CNTN4: variants seen among roughly 807,000 people sequenced by gnomAD.
CNTN4 encodes the protein contactin 4.
Under a neutral mutation model 122.5 loss-of-function variants are expected in CNTN4, and 77 were observed. The observed-to-expected ratio is 0.63, with a 90% CI of 0.52 to 0.76. The LOEUF (loss-of-function observed/expected upper bound fraction) is 0.76, where lower values mean the gene tolerates loss of function less well. Ranked by LOEUF, CNTN4 falls within the 30% of genes least tolerant of loss-of-function variation. CNTN4 has a pLI of 0.00. For missense variants in CNTN4, 1,256 were observed against 1,259.1 expected (o/e 1.00, Z 0.04); for synonymous variants, 512 against 447.0 (o/e 1.15, Z -1.83).
intron 7 of CNTN4, among the ~76,000 whole-genome samples, chr3:2,865,571 C>A (rs746419485): frequency 6.6e-6 from 1 of 152,188 alleles, no homozygotes; most frequent in African/African-American, 2.4e-5. Flanking sequence ...TTCCCTTACC[C>A]TCCCCTCAAC....
intron 5 of CNTN4, among the ~76,000 whole-genome samples, chr3:2,740,833 T>G (rs999339968): frequency 2.0e-5 from 3 of 152,170 alleles, no homozygotes; most frequent in African/African-American, 7.2e-5. Flanking sequence ...AGGACGGCAG[T>G]ATTAGTATAG....
At chr3:2,813,327 A>T (rs1213604819) in intron 6 of CNTN4, among the ~76,000 whole-genome samples, 5 of 152,174 alleles carry the variant, frequency 3.3e-5, no homozygotes, top group African/African-American at 1.2e-4. Context: ...TAACAAAGGG[A>T]ACTGGTGCTG....
rs932217415 is a variant in CNTN4, at chr3:2,902,750, T to C, written c.1078-126T>C. The C allele has an allele frequency of 7.5e-5, 71 of 941,844 alleles. No homozygotes were observed. The Admixed American group carries it at 1.2e-3, about 16-fold the overall frequency. The allele number at this position is 941,844 out of a possible 1,614,324, so 58.3% of individuals were successfully genotyped here. Reference sequence around the variant, plus strand: ...GCTGACAGATAAATAGATCATGTTATGTAAATTGCTTATATGATGGCTGTT... The same window carrying C: ...GCTGACAGATAAATAGATCATGTTACGTAAATTGCTTATATGATGGCTGTT... On this transcript the variant is annotated intron_variant, in intron 11 of 24. Coordinates refer to ENST00000418658, the MANE Select transcript of CNTN4 (RefSeq NM_175607.3).
intron 2 of CNTN4, among the ~76,000 whole-genome samples, chr3:2,323,674 C>T (rs1352120723): frequency 6.6e-6 from 1 of 152,098 alleles, no homozygotes; most frequent in African/African-American, 2.4e-5. Flanking sequence ...AGAATTTGGT[C>T]AAAGCAACTA....
intron 2 of CNTN4, among the ~76,000 whole-genome samples, chr3:2,143,142 G>A (rs533561364): frequency 7.2e-5 from 11 of 152,166 alleles, no homozygotes; most frequent in African/African-American, 2.4e-4. Flanking sequence ...CATGATTTGG[G>A]GTTCATGTTC....
At chr3:2,780,424 A>G (rs2091523582) in intron 6 of CNTN4, among the ~76,000 whole-genome samples, 1 of 152,188 alleles carries the variant, frequency 6.6e-6, no homozygotes, top group African/African-American at 2.4e-5. Context: ...CCAACTCTCA[A>G]TATAGAGGCA....
At chr3:2,731,047 T>A (rs542541463) in intron 4 of CNTN4, among the ~76,000 whole-genome samples, 1 of 152,106 alleles carries the variant, frequency 6.6e-6, no homozygotes, top group African/African-American at 2.4e-5. Context: ...ATATTTTGTT[T>A]CCATTACAGA....
intron 6 of CNTN4, among the ~76,000 whole-genome samples, chr3:2,778,485 A>G (rs897043759): frequency 2.6e-5 from 4 of 152,036 alleles, no homozygotes; most frequent in African/African-American, 7.2e-5. Context: ...AAATTTCACT[A>G]CTGTTTTTCT....
intron 3 of CNTN4, among the ~76,000 whole-genome samples, chr3:2,552,956 A>G (rs2078573632): frequency 6.6e-6 from 1 of 152,034 alleles, no homozygotes; most frequent in South Asian, 2.1e-4. Flanking sequence ...TCTGTCACTC[A>G]CTCACTGTGT....
At chr3:2,453,348 A>G (rs915245583) in intron 3 of CNTN4, among the ~76,000 whole-genome samples, 2 of 152,192 alleles carry the variant, frequency 1.3e-5, no homozygotes, top group African/African-American at 4.8e-5. Context: ...GGAAAGATGT[A>G]CATTTATTAA....
At chr3:2,203,267 T>C (rs2038184561) in intron 2 of CNTN4, among the ~76,000 whole-genome samples, 1 of 152,172 alleles carries the variant, frequency 6.6e-6, no homozygotes, top group African/African-American at 2.4e-5. Context: ...TAGTGACTAT[T>C]TGGCTCTTTT....
chr3:2,605,907 G>T lies in CNTN4; in HGVS notation c.55+34349G>T, dbSNP rs189631777. ...TTAATATGATAATAGTCAGTAGTTA[G>T]TGCTAGAAAGAAAATTTAATCAAGG... is the stretch of plus-strand genomic sequence containing the variant. On this transcript the variant is annotated intron_variant, in intron 4 of 24. Coordinates refer to ENST00000418658, the MANE Select transcript of CNTN4 (RefSeq NM_175607.3). Among the ~76,000 whole-genome samples the T allele has an allele frequency of 1.2e-3, 183 of 152,274 alleles. 1 individual carries two copies. The East Asian group carries it at 0.024, about 20-fold the overall frequency.
chr3:2,287,733 GA>G lies in CNTN4; in HGVS notation c.-144-51443del, dbSNP rs1559416082. On this transcript the variant is annotated intron_variant, in intron 2 of 24. Transcript: ENST00000418658. ...AGAGGAAGAAGAAGAAGAAGAAGAA[GA>G]AGAAGAAGAAGAAGAAGAAGAAGAA... Among the ~76,000 whole-genome samples the G allele has an allele frequency of 4.1e-3, 477 of 117,084 alleles. 9 individuals carry two copies. The highest frequency in any genetic ancestry group is 0.014 in the African/African-American group (461 of 32,758). 76.8% of individuals were successfully genotyped at this position (117,084 alleles called of 152,430 possible).
intron 4 of CNTN4, among the ~76,000 whole-genome samples, chr3:2,640,879 G>A (rs1484221200): frequency 6.6e-6 from 1 of 152,160 alleles, no homozygotes; most frequent in Non-Finnish European, 1.5e-5. Flanking sequence ...CTTTTTAAAT[G>A]TGTCACATTT....
intron 13 of CNTN4, among the ~76,000 whole-genome samples, chr3:2,968,231 G>T (rs1369894219): frequency 6.6e-6 from 1 of 152,170 alleles, no homozygotes; most frequent in Admixed American, 6.5e-5. Context: ...TGATTACAAT[G>T]TGCTTTTTGC....
At chr3:2,747,362 TGG>T (rs1273926514) in intron 6 of CNTN4, among the ~76,000 whole-genome samples, 1 of 150,892 alleles carries the variant, frequency 6.6e-6, no homozygotes, top group Non-Finnish European at 1.5e-5. Flanking sequence ...TGAGCCGAGA[TGG>T]CGCCACTGGA....
intron 13 of CNTN4, among the ~76,000 whole-genome samples, chr3:2,965,023 T>C (rs981308231): frequency 2.0e-5 from 3 of 152,198 alleles, no homozygotes; most frequent in East Asian, 1.9e-4. Flanking sequence ...AATGGAATGA[T>C]TGGCCCTTCC....
chr3:2,541,272 T>A (rs534215347), intron 3 of CNTN4, among the ~76,000 whole-genome samples: 81 of 152,250 alleles, frequency 5.3e-4, no homozygotes, highest in African/African-American at 1.8e-3. Context: ...TAGGGCACTT[T>A]CCTTAGTTTT....
At chr3:2,607,704 G>A (rs2081318497) in intron 4 of CNTN4, among the ~76,000 whole-genome samples, 1 of 148,878 alleles carries the variant, frequency 6.7e-6, no homozygotes, top group South Asian at 2.1e-4. Context: ...ATAAAAGCAG[G>A]TAGAAGAGAG....
Sources: gnomAD v4.1 joint callset for allele counts (sites outside exome capture counted in the v4.1 genomes callset) on GRCh38, gnomAD v4.1.1 for gene constraint, MANE v1.5 for transcripts, NCBI Gene and HGNC (gene_info 2026-07-23, HGNC 2026-07-21) for gene names.